SOX5: variants seen among roughly 807,000 people sequenced by gnomAD.
The protein encoded by SOX5 is SRY-box transcription factor 5, also known as transcription factor SOX-5.
Under a neutral mutation model 92.0 loss-of-function variants are expected in SOX5, and 9 were observed. The observed-to-expected ratio is 0.10, with a 90% CI of 0.06 to 0.17. The LOEUF (loss-of-function observed/expected upper bound fraction) is 0.17, where lower values mean the gene tolerates loss of function less well. Among genes scored for constraint, SOX5 ranks in the 10% least tolerant of loss-of-function variants. The pLI is 1.00. For synonymous variants in SOX5, 344 were observed against 336.3 expected, an observed-to-expected ratio of 1.02 and a Z score of -0.25; for missense variants, 642 against 944.5, an observed-to-expected ratio of 0.68 and a Z score of 4.20.
At chr12:24,401,469 G>A (rs1313817248) in intron 1 of SOX5, among the ~76,000 whole-genome samples, 1 of 151,832 alleles carries the variant, frequency 6.6e-6, no homozygotes. Context: ...CAGAGCTTTG[G>A]GAGGTCAAGG....
chr12:24,029,529 C>A (rs929300918), intron 4 of SOX5, among the ~76,000 whole-genome samples: 1 of 151,872 alleles, frequency 6.6e-6, no homozygotes, highest in Admixed American at 6.6e-5. Flanking sequence ...CCCACTTCAG[C>A]CTCCCAAAGC....
At chr12:24,161,493 C>A (rs1952750951) in intron 4 of SOX5, among the ~76,000 whole-genome samples, 2 of 151,818 alleles carry the variant, frequency 1.3e-5, no homozygotes, top group South Asian at 4.2e-4. Flanking sequence ...AGAGCCAAGG[C>A]CAGTATGTTT....
At chr12:23,714,010 T>C (rs1410045077) in intron 6 of SOX5, among the ~76,000 whole-genome samples, 1 of 150,904 alleles carries the variant, frequency 6.6e-6, no homozygotes, top group Non-Finnish European at 1.5e-5. Context: ...GATAATTGCT[T>C]GAACCTAGGG....
chr12:23,570,029 G>C (rs1464127682), intron 10 of SOX5, among the ~76,000 whole-genome samples: 1 of 152,050 alleles, frequency 6.6e-6, no homozygotes. Context: ...GATAATTTCT[G>C]TCTTCTTATC....
chr12:24,156,276 T>C (rs1298989919), intron 4 of SOX5, among the ~76,000 whole-genome samples: 4 of 152,156 alleles, frequency 2.6e-5, no homozygotes, highest in African/African-American at 9.7e-5. Flanking sequence ...CCCTCAAGAC[T>C]ACATCAGGAC....
chr12:24,104,321 A>C (rs1189483495), intron 4 of SOX5, among the ~76,000 whole-genome samples: 3 of 152,178 alleles, frequency 2.0e-5, no homozygotes, highest in Admixed American at 2.0e-4. Context: ...GGTAAGAAAC[A>C]TTATCTACAG....
intron 4 of SOX5, among the ~76,000 whole-genome samples, chr12:23,990,383 G>C (rs1950459049): frequency 6.6e-6 from 1 of 152,116 alleles, no homozygotes; most frequent in Non-Finnish European, 1.5e-5. Context: ...TCTAATCACT[G>C]CCTTTTCCTC....
At chr12:23,959,590 G>C (rs748963773) in intron 4 of SOX5, among the ~76,000 whole-genome samples, 2 of 151,968 alleles carry the variant, frequency 1.3e-5, no homozygotes, top group Non-Finnish European at 2.9e-5. Context: ...ACTTGAAAGT[G>C]ACAAAAGGCA....
At chr12:23,613,124 C>A (rs936514039) in intron 8 of SOX5, among the ~76,000 whole-genome samples, 1 of 152,084 alleles carries the variant, frequency 6.6e-6, no homozygotes, top group African/African-American at 2.4e-5. Flanking sequence ...CCACGATAGG[C>A]CTTCACTGTG....
chr12:24,059,760 A>G (rs552547880), intron 4 of SOX5, among the ~76,000 whole-genome samples: 1 of 152,268 alleles, frequency 6.6e-6, no homozygotes, highest in African/African-American at 2.4e-5. Flanking sequence ...TTAAAGTGCA[A>G]CCCACAATCA....
At chr12:24,173,568 G>C (rs535629266) in intron 4 of SOX5, among the ~76,000 whole-genome samples, 1 of 150,852 alleles carries the variant, frequency 6.6e-6, no homozygotes, top group African/African-American at 2.5e-5. Context: ...TAATCAGTGA[G>C]GAGTATTCAT....
At chr12:24,295,858 T>C (rs1371017146) in intron 2 of SOX5, among the ~76,000 whole-genome samples, 1 of 152,200 alleles carries the variant, frequency 6.6e-6, no homozygotes, top group Non-Finnish European at 1.5e-5. Flanking sequence ...CCACCGCACC[T>C]GGCCTTGAAT....
intron 8 of SOX5, among the ~76,000 whole-genome samples, chr12:23,622,977 A>G (rs1415956948): frequency 2.6e-5 from 4 of 152,104 alleles, no homozygotes; most frequent in Admixed American, 2.0e-4. Flanking sequence ...GATCAATCCA[A>G]TAGAGTTTGA....
At chr12:24,341,046 GA>G (rs1161772632) in intron 2 of SOX5, among the ~76,000 whole-genome samples, 2 of 152,116 alleles carry the variant, frequency 1.3e-5, no homozygotes, top group Non-Finnish European at 2.9e-5. Flanking sequence ...TACTAACACA[GA>G]AAAAAGCCAC....
At chr12:24,400,200 G>T (rs896013721) in intron 1 of SOX5, among the ~76,000 whole-genome samples, 2 of 152,226 alleles carry the variant, frequency 1.3e-5, no homozygotes, top group African/African-American at 4.8e-5. Flanking sequence ...TCAAATTTCA[G>T]TTGAAACTTT....
At chr12:23,743,917 C>T (rs901192761) in intron 4 of SOX5, among the ~76,000 whole-genome samples, 1 of 152,156 alleles carries the variant, frequency 6.6e-6, no homozygotes, top group African/African-American at 2.4e-5. Flanking sequence ...ATCATTTTGT[C>T]ATTAAGTATA....
intron 1 of SOX5, among the ~76,000 whole-genome samples, chr12:23,908,329 G>C (rs182701463): frequency 6.6e-6 from 1 of 152,092 alleles, no homozygotes; most frequent in Non-Finnish European, 1.5e-5. Flanking sequence ...CATCAGATTT[G>C]TTGAAAACTG....
intron 3 of SOX5, among the ~76,000 whole-genome samples, chr12:23,828,734 C>T (rs985915936): frequency 1.3e-5 from 2 of 148,776 alleles, no homozygotes; most frequent in African/African-American, 5.0e-5. Flanking sequence ...ATAGAAGTTG[C>T]TTTTCAAATT....
intron 6 of SOX5, among the ~76,000 whole-genome samples, chr12:23,666,685 A>C (rs943116227): frequency 6.6e-6 from 1 of 152,192 alleles, no homozygotes; most frequent in Non-Finnish European, 1.5e-5. Flanking sequence ...ATATTTAATA[A>C]ATATCTACTA....
Sources: allele counts gnomAD v4.1 joint callset (sites outside exome capture counted in the v4.1 genomes callset), GRCh38; gene constraint gnomAD v4.1.1; transcripts MANE v1.5; gene names NCBI Gene and HGNC (gene_info 2026-07-23, HGNC 2026-07-21).